The following CYP27C1 variants were observed in gnomAD, a reference collection of about 807,000 sequenced individuals.
CYP27C1 encodes the protein cytochrome P450 family 27 subfamily C member 1, also known as cytochrome P450 27C1.
A neutral mutation model predicts 40.6 loss-of-function variants in CYP27C1; 29 were observed. That is an observed-to-expected ratio of 0.71 (90% CI 0.53 to 0.97). The LOEUF is 0.97. CYP27C1 is among the 50% of genes least tolerant of loss of function. The pLI, the probability that CYP27C1 is intolerant of heterozygous loss-of-function variation, is 0.00. For missense variants in CYP27C1, 390 were observed against 485.8 expected, an observed-to-expected ratio of 0.80 and a Z score of 1.85; for synonymous variants, 198 against 186.8, an observed-to-expected ratio of 1.06 and a Z score of -0.49.
In CYP27C1 at chr2:127,196,132, G is replaced by A. The variant is rs1194263453; in HGVS notation, c.1048-631C>T. ...GGCTGGAATGCAGTGACGCGATCTC[G>A]GCTCACTGCAAGCTCTGCCTCCCGG... On this transcript the variant is annotated intron_variant, in intron 5 of 8. Transcript: ENST00000664447. This position sits in a 1 kb window ranked among gnomAD's most constrained non-coding sequence, Gnocchi z 4.5. 2.6e-5 allele frequency among the ~76,000 whole-genome samples: 4 copies of A among 151,612 alleles called. No homozygotes were observed. The highest frequency in any genetic ancestry group is 7.3e-5 in the African/African-American group (3 of 41,252).
At chr2:127,203,037 A>G (rs1023615543) in intron 3 of CYP27C1, among the ~76,000 whole-genome samples, 9 of 152,028 alleles carry the variant, frequency 5.9e-5, no homozygotes, top group East Asian at 1.9e-4. Flanking sequence ...GAGTGGTGGC[A>G]GGTGCCTGTA....
chr2:127,201,000 C>CT lies in CYP27C1; in HGVS notation c.883+121dup. ...AATCCAAAAGTTATGGGTCCAAAAACTAACACGTGACTACATCTAGGCATC... is the reference window on the plus strand; with the variant it reads ...AATCCAAAAGTTATGGGTCCAAAAACTTAACACGTGACTACATCTAGGCATC... On this transcript the variant is annotated intron_variant, in intron 4 of 8. Coordinates refer to ENST00000664447, the MANE Select transcript of CYP27C1 (RefSeq NM_001367502.1). This position sits in a 1 kb window ranked among gnomAD's most constrained non-coding sequence, Gnocchi z 4.2. The CT allele has an allele frequency of 1.0e-6, 1 of 991,074 alleles. No individual in the cohort carries two copies. The highest frequency in any genetic ancestry group is 1.6e-5 in the South Asian group (1 of 62,842). The allele number at this position is 991,074 out of a possible 1,614,324, so 61.4% of individuals were successfully genotyped here.
At chr2:127,216,571 T>G (rs1683434621) in intron 1 of CYP27C1, among the ~76,000 whole-genome samples, 1 of 152,174 alleles carries the variant, frequency 6.6e-6, no homozygotes, top group African/African-American at 2.4e-5. Flanking sequence ...GGGTGATAGC[T>G]GATGGATATG....
intron 1 of CYP27C1, among the ~76,000 whole-genome samples, chr2:127,213,911 A>G (rs570161577): frequency 5.3e-5 from 8 of 152,300 alleles, no homozygotes; most frequent in Non-Finnish European, 1.0e-4. Context: ...CAATCTACCC[A>G]TCTGACAAAG....
intron 8 of CYP27C1, among the ~76,000 whole-genome samples, chr2:127,190,679 G>T (rs1399545753): frequency 6.7e-6 from 1 of 148,848 alleles, no homozygotes; most frequent in Non-Finnish European, 1.5e-5. Flanking sequence ...AAGCGTGCTG[G>T]CTCACACCTG....
At chr2:127,204,472 GA>G (rs1558930986) in intron 2 of CYP27C1, among the ~76,000 whole-genome samples, 862 of 68,766 alleles carry the variant, frequency 0.013, 79 homozygotes, top group Admixed American at 0.024. Flanking sequence ...AAGAAAGAAA[GA>G]AAGAAAGAAA....
At chr2:127,189,240 T>C (rs915760830) in intron 8 of CYP27C1, among the ~76,000 whole-genome samples, 2 of 143,736 alleles carry the variant, frequency 1.4e-5, no homozygotes, top group Admixed American at 1.4e-4. Context: ...CAAACATTCC[T>C]GTTCAATCAA....
intron 5 of CYP27C1, among the ~76,000 whole-genome samples, chr2:127,198,857 C>T (rs995077300): frequency 5.3e-5 from 8 of 152,318 alleles, no homozygotes; most frequent in South Asian, 2.1e-4. Context: ...CACCCAACAA[C>T]GCATTTCTCA....
At chr2:127,198,544 T>G (rs1682958952) in intron 5 of CYP27C1, among the ~76,000 whole-genome samples, 1 of 89,886 alleles carries the variant, frequency 1.1e-5, no homozygotes, top group Non-Finnish European at 2.8e-5. Flanking sequence ...TTATGCACCT[T>G]ACATTTAATA....
chr2:127,205,396 G>T (rs1428272500), intron 2 of CYP27C1, among the ~76,000 whole-genome samples: 1 of 152,190 alleles, frequency 6.6e-6, no homozygotes, highest in East Asian at 1.9e-4. Flanking sequence ...GCCTGGCCGC[G>T]GGCCACGATC....
At position 127,195,277 on chromosome 2, in the gene CYP27C1, T is replaced by C; in HGVS notation, c.1214+58A>G. 6.2e-7 allele frequency: 1 copy of C among 1,607,642 alleles called. No individual in the cohort carries two copies. Among genetic ancestry groups the C allele is most frequent in the South Asian group, 1.1e-5 (1 of 90,292 alleles). ...GGGGCATTTGGAGGACTTGTTGTGA[T>C]AGAGAACCAGGGACCTAAGGGACAC... On this transcript the variant is annotated intron_variant, in intron 6 of 8. Transcript: ENST00000664447. The surrounding 1 kb of genome is among the most constrained non-coding windows in gnomAD (Gnocchi z 6.2).
chr2:127,195,564 C>T lies in CYP27C1; in HGVS notation c.1048-63G>A, dbSNP rs1047871178. On this transcript the variant is annotated intron_variant, in intron 5 of 8. Coordinates refer to ENST00000664447, the MANE Select transcript of CYP27C1 (RefSeq NM_001367502.1). The surrounding 1 kb of genome is among the most constrained non-coding windows in gnomAD (Gnocchi z 6.2). ...GTAACACCAGGGACTGAAACAGAGG[C>T]GGTGGCAGGTAGGAAGTCCCCTGGG... The T allele has an allele frequency of 3.3e-5, 51 of 1,561,250 alleles. No homozygotes were observed. The highest frequency in any genetic ancestry group is 2.3e-4 in the African/African-American group (17 of 73,772).
chr2:127,212,098 C>A (rs149276317), intron 1 of CYP27C1, among the ~76,000 whole-genome samples: 2,154 of 152,228 alleles, frequency 0.014, 45 homozygotes, highest in African/African-American at 0.048. Context: ...GACGCATACA[C>A]CCTACCAAGA....
rs1389210247 is a variant in CYP27C1, at chr2:127,187,203, C to A, written c.*68G>T. The A allele has an allele frequency of 1.8e-6, 2 of 1,100,846 alleles. No individual in the cohort carries two copies. The highest frequency in any genetic ancestry group is 2.6e-6 in the Non-Finnish European group (2 of 774,388). 68.2% of individuals were successfully genotyped at this position (1,100,846 alleles called of 1,614,324 possible). On this transcript the variant is annotated 3_prime_UTR_variant, in exon 9 of 9. Coordinates refer to ENST00000664447, the MANE Select transcript of CYP27C1 (RefSeq NM_001367502.1). ...CGCTTTCCTTCTCCACGGTGATCAG[C>A]GAACACAAATACCCACTGTGTGTCG...
chr2:127,202,416 G>A (rs957256041), intron 3 of CYP27C1, among the ~76,000 whole-genome samples: 2 of 152,236 alleles, frequency 1.3e-5, no homozygotes, highest in Middle Eastern at 3.4e-3. Context: ...GTGAGCCACC[G>A]CACCCAGCCC....
At position 127,186,324 on chromosome 2, in the gene CYP27C1, GA is replaced by G. The variant is rs1682623256; in HGVS notation, c.*946del. The G allele has an allele frequency of 6.6e-6, 1 of 151,370 alleles. No individual in the cohort carries two copies. The highest frequency in any genetic ancestry group is 1.5e-5 in the Non-Finnish European group (1 of 67,858). 9.4% of individuals were successfully genotyped at this position (151,370 alleles called of 1,614,324 possible). ...TCAACTTCATTAGGCATTATGACTA[GA>G]AAATTAAGCACTCGTTGTGGAGAGA... is the stretch of plus-strand genomic sequence containing the variant. On this transcript the variant is annotated 3_prime_UTR_variant, in exon 9 of 9. Coordinates refer to ENST00000664447, the MANE Select transcript of CYP27C1 (RefSeq NM_001367502.1). This position sits in a 1 kb window ranked among gnomAD's most constrained non-coding sequence, Gnocchi z 4.5.
rs1558936548 is a variant in CYP27C1, at chr2:127,220,142, G to T, written c.129C>A (p.Ala43=). The stretch of plus-strand genomic sequence containing the variant: ...CCGGCCGCCCGGCGCCTTTGTCCTC[G>T]GCCCGCGCCCCCGCCGGGAGCCGTG... The part of the protein sequence containing the change: ...AGARLPAGAR[A]EDKGAGRPGS... Residue 43 remains alanine, a synonymous_variant, in exon 1 of 9, where the codon GCC becomes GCA. Transcript: ENST00000664447. The surrounding 1 kb of genome is among the most constrained non-coding windows in gnomAD (Gnocchi z 4.6). The T allele has an allele frequency of 6.7e-6, 1 of 149,328 alleles. No homozygotes were observed. Among genetic ancestry groups the T allele is most frequent in the East Asian group, 2.0e-4 (1 of 5,086 alleles). 9.3% of individuals were successfully genotyped at this position (149,328 alleles called of 1,614,324 possible).
intron 8 of CYP27C1, among the ~76,000 whole-genome samples, chr2:127,190,351 T>TTC (rs1241447080): frequency 7.1e-6 from 1 of 140,732 alleles, no homozygotes; most frequent in African/African-American, 2.7e-5. Context: ...TCTTTTTTTT[T>TTC]TTTTTTTTTG....
At chr2:127,190,557 G>T (rs1265260363) in intron 8 of CYP27C1, among the ~76,000 whole-genome samples, 2 of 150,514 alleles carry the variant, frequency 1.3e-5, no homozygotes, top group Non-Finnish European at 3.0e-5. Flanking sequence ...GGTCAGGCTG[G>T]TCTCGAACTC....
Sources: gnomAD v4.1 joint callset for allele counts (sites outside exome capture counted in the v4.1 genomes callset) on GRCh38, gnomAD v4.1.1 for gene constraint, Gnocchi (gnomAD v3.1) non-coding constraint, MANE v1.5 for transcripts, NCBI Gene and HGNC (gene_info 2026-07-23, HGNC 2026-07-21) for gene names.